Variants in CNTN5 observed in about 807,000 individuals in gnomAD.
The protein encoded by CNTN5 is contactin 5, also known as contactin-5.
Under a neutral mutation model 129.1 loss-of-function variants are expected in CNTN5, and 77 were observed. The ratio of observed to expected loss-of-function variants is 0.60; its 90% CI spans 0.50 to 0.72. The LOEUF (loss-of-function observed/expected upper bound fraction) is 0.72. Ranked by LOEUF, CNTN5 falls within the 30% of genes least tolerant of loss-of-function variation. The pLI, the probability that CNTN5 is intolerant of heterozygous loss-of-function variation, is 0.00. For synonymous variants in CNTN5, 509 were observed against 465.6 expected (o/e 1.09, Z -1.20); for missense variants, 1,478 against 1,328.8 (o/e 1.11, Z -1.75).
intron 6 of CNTN5, among the ~76,000 whole-genome samples, chr11:99,910,071 T>G (rs1949618440): frequency 2.0e-5 from 3 of 152,136 alleles, no homozygotes; most frequent in Non-Finnish European, 2.9e-5. Context: ...TCATAATAGC[T>G]CTAGATTTTT....
chr11:99,520,078 C>G (rs1056043601), intron 2 of CNTN5, among the ~76,000 whole-genome samples: 1 of 152,048 alleles, frequency 6.6e-6, no homozygotes, highest in South Asian at 2.1e-4. Flanking sequence ...TTTACGCTCA[C>G]CCTGGCTTTT....
chr11:99,652,810 A>G (rs533244913), intron 3 of CNTN5, among the ~76,000 whole-genome samples: 2 of 152,148 alleles, frequency 1.3e-5, no homozygotes, highest in African/African-American at 4.8e-5. Flanking sequence ...TCAGTAATAT[A>G]CTGAATATGT....
At chr11:99,461,271 T>A (rs1178683970) in intron 2 of CNTN5, among the ~76,000 whole-genome samples, 1 of 152,096 alleles carries the variant, frequency 6.6e-6, no homozygotes, top group Admixed American at 6.5e-5. Flanking sequence ...AGGTGTATGT[T>A]TTTGATGTGC....
At chr11:100,073,810 A>C (rs1022482263) in intron 12 of CNTN5, among the ~76,000 whole-genome samples, 17 of 152,146 alleles carry the variant, frequency 1.1e-4, no homozygotes, top group South Asian at 2.1e-4. Context: ...AGGAAGGTCA[A>C]ATGGACTCTG....
chr11:99,303,007 A>G (rs1864712084), intron 1 of CNTN5, among the ~76,000 whole-genome samples: 1 of 151,630 alleles, frequency 6.6e-6, no homozygotes, highest in Non-Finnish European at 1.5e-5. Context: ...GCAATCTATA[A>G]ATATTTTTCA....
chr11:100,108,725 TTAAC>T (rs1454853184), intron 13 of CNTN5, among the ~76,000 whole-genome samples: 3 of 152,132 alleles, frequency 2.0e-5, no homozygotes, highest in Admixed American at 6.5e-5. Flanking sequence ...TATGATTTTA[TTAAC>T]TTTTATATTA....
chr11:99,308,883 A>T (rs1271509891), intron 1 of CNTN5, among the ~76,000 whole-genome samples: 1 of 152,112 alleles, frequency 6.6e-6, no homozygotes, highest in Non-Finnish European at 1.5e-5. Flanking sequence ...TTGTCTTCAA[A>T]TGTATTGATA....
chr11:99,241,317 G>GTTTTTTT (rs1565430527), intron 1 of CNTN5, among the ~76,000 whole-genome samples: 1 of 60,130 alleles, frequency 1.7e-5, no homozygotes, highest in African/African-American at 5.5e-5. Flanking sequence ...TTTGATTGTT[G>GTTTTTTT]GTTTTTTTTT....
At chr11:99,184,561 G>A (rs1386716816) in intron 1 of CNTN5, among the ~76,000 whole-genome samples, 1 of 151,924 alleles carries the variant, frequency 6.6e-6, no homozygotes, top group African/African-American at 2.4e-5. Flanking sequence ...TAACATATTT[G>A]CCCTCTAGCT....
chr11:100,027,749 G>C (rs1286835532), intron 9 of CNTN5, among the ~76,000 whole-genome samples: 1 of 152,158 alleles, frequency 6.6e-6, no homozygotes, highest in African/African-American at 2.4e-5. Context: ...CTTTGCCTAA[G>C]TCTCCCTTGC....
chr11:99,410,075 G>A (rs552247015), intron 2 of CNTN5, among the ~76,000 whole-genome samples: 4 of 152,164 alleles, frequency 2.6e-5, no homozygotes, highest in African/African-American at 9.6e-5. Flanking sequence ...CCTTGTTGGA[G>A]GCTTAGTTTG....
At chr11:100,343,960 G>A (rs550504488) in intron 23 of CNTN5, among the ~76,000 whole-genome samples, 27 of 152,138 alleles carry the variant, frequency 1.8e-4, no homozygotes, top group East Asian at 7.8e-4. Flanking sequence ...AGTTTGAGGC[G>A]GGCTTGACCC....
At chr11:99,782,361 A>T (rs1945342914) in intron 3 of CNTN5, among the ~76,000 whole-genome samples, 1 of 149,812 alleles carries the variant, frequency 6.7e-6, no homozygotes, top group African/African-American at 2.5e-5. Context: ...TTCCATGCTC[A>T]TGGGTAGGAA....
At chr11:99,152,530 G>C (rs1860116350) in intron 1 of CNTN5, among the ~76,000 whole-genome samples, 1 of 152,160 alleles carries the variant, frequency 6.6e-6, no homozygotes, top group Non-Finnish European at 1.5e-5. Flanking sequence ...TTGAGCCTAT[G>C]GGTGTCATTG....
intron 2 of CNTN5, among the ~76,000 whole-genome samples, chr11:99,501,297 TC>T (rs1946419230): frequency 6.6e-6 from 1 of 152,254 alleles, no homozygotes; most frequent in East Asian, 1.9e-4. Flanking sequence ...GTTGTTCTGC[TC>T]CTTCATGAAA....
intron 13 of CNTN5, among the ~76,000 whole-genome samples, chr11:100,113,441 AAAAAAAAAAAAACAAGAAAGAAAAAAG>A (rs1945723559): frequency 6.9e-6 from 1 of 144,986 alleles, no homozygotes; most frequent in African/African-American, 2.5e-5. Context: ...AAAAAAAAAA[AAAAAAAAAAAAACAAGAAAGAAAAAAG>A]AAAAAGAAAG....
chr11:100,066,777 CATGT>C (rs1943711993), intron 10 of CNTN5, among the ~76,000 whole-genome samples: 1 of 148,406 alleles, frequency 6.7e-6, no homozygotes, highest in Admixed American at 6.8e-5. Flanking sequence ...CTGCTCACCC[CATGT>C]TATTATTCAG....
At chr11:99,191,280 G>A in intron 1 of CNTN5, among the ~76,000 whole-genome samples, 1 of 151,690 alleles carries the variant, frequency 6.6e-6, no homozygotes, top group Non-Finnish European at 1.5e-5. Flanking sequence ...GTGTTCATCA[G>A]GAATATTGGC....
intron 1 of CNTN5, among the ~76,000 whole-genome samples, chr11:99,177,764 G>T (rs1167147809): frequency 6.6e-6 from 1 of 152,164 alleles, no homozygotes; most frequent in Non-Finnish European, 1.5e-5. Context: ...ACAGTCCAGA[G>T]GCCTGGGGGC....
Sources: gnomAD v4.1 joint callset for allele counts (sites outside exome capture counted in the v4.1 genomes callset) on GRCh38, gnomAD v4.1.1 for gene constraint, MANE v1.5 for transcripts, NCBI Gene and HGNC (gene_info 2026-07-23, HGNC 2026-07-21) for gene names.